The following PLCB1 variants were observed in gnomAD, a reference collection of about 807,000 sequenced individuals.
PLCB1 encodes the protein 1-phosphatidylinositol 4,5-bisphosphate phosphodiesterase beta-1.
PLCB1 carries 46 observed loss-of-function variants against 161.8 expected under a neutral mutation model. The ratio of observed to expected loss-of-function variants is 0.28; its 90% CI spans 0.22 to 0.36. The LOEUF is 0.36. Among genes scored for constraint, PLCB1 ranks in the 10% least tolerant of loss-of-function variants. The probability of loss-of-function intolerance (pLI) is 1.00; values close to 1 mark genes in which losing one functional copy is unlikely to be tolerated. For synonymous variants in PLCB1, 517 were observed against 503.7 expected (o/e 1.03, Z -0.35); for missense variants, 1,016 against 1,472.5 (o/e 0.69, Z 5.07).
intron 3 of PLCB1, among the ~76,000 whole-genome samples, chr20:8,588,465 G>A (rs1164169333): frequency 6.6e-6 from 1 of 152,110 alleles, no homozygotes; most frequent in Admixed American, 6.6e-5. Context: ...AACCCCTAAT[G>A]TGACTTTATT....
chr20:8,252,897 G>A (rs886602267), intron 2 of PLCB1, among the ~76,000 whole-genome samples: 2 of 151,918 alleles, frequency 1.3e-5, no homozygotes, highest in African/African-American at 4.8e-5. Flanking sequence ...GCTTTGTTTT[G>A]CCTTACTTAT....
At chr20:8,714,654 C>T (rs977543316) in intron 12 of PLCB1, among the ~76,000 whole-genome samples, 1 of 152,086 alleles carries the variant, frequency 6.6e-6, no homozygotes, top group African/African-American at 2.4e-5. Context: ...TTCTGATGGC[C>T]GCATAAGCCA....
chr20:8,562,021 A>G (rs1003748421), intron 3 of PLCB1, among the ~76,000 whole-genome samples: 11 of 151,828 alleles, frequency 7.2e-5, no homozygotes, highest in African/African-American at 2.2e-4. Flanking sequence ...CTTTTAGTAG[A>G]CCCTCCCTTG....
intron 3 of PLCB1, among the ~76,000 whole-genome samples, chr20:8,458,142 C>T (rs764439): frequency 0.28 from 41,871 of 151,904 alleles, 5,994 homozygotes; most frequent in Non-Finnish European, 0.3. Flanking sequence ...TTGCTTCCTC[C>T]GGTTGATTCT....
At chr20:8,461,499 T>C (rs936188558) in intron 3 of PLCB1, among the ~76,000 whole-genome samples, 1 of 152,172 alleles carries the variant, frequency 6.6e-6, no homozygotes, top group African/African-American at 2.4e-5. Context: ...GTTATGCACA[T>C]AAAATTCCTG....
chr20:8,804,848 G>C (rs1029977814), intron 31 of PLCB1, among the ~76,000 whole-genome samples: 1 of 151,804 alleles, frequency 6.6e-6, no homozygotes, highest in Admixed American at 6.6e-5. Flanking sequence ...AAAATTAGCC[G>C]GGCGTGGTGG....
chr20:8,366,673 A>G lies in PLCB1; in HGVS notation c.178-4709A>G, dbSNP rs118083797. ...ACAAAAAGAGAGGGCATATCCATCA[A>G]TGCATCAGTGGATGCATCTGAGGTC... is the stretch of plus-strand genomic sequence containing the variant. On this transcript the variant is annotated intron_variant, in intron 2 of 31. Transcript: ENST00000338037. Among the ~76,000 whole-genome samples the G allele has an allele frequency of 1.4e-3, 214 of 152,328 alleles. 1 individual carries two copies. The highest frequency in any genetic ancestry group is 2.4e-3 in the Non-Finnish European group (166 of 68,040).
At chr20:8,647,434 A>G (rs1037026876) in intron 5 of PLCB1, among the ~76,000 whole-genome samples, 2 of 152,208 alleles carry the variant, frequency 1.3e-5, no homozygotes, top group Non-Finnish European at 2.9e-5. Context: ...GCACACATCT[A>G]GCTTTGGGAT....
intron 2 of PLCB1, among the ~76,000 whole-genome samples, chr20:8,346,238 C>T (rs945392164): frequency 6.6e-6 from 1 of 152,200 alleles, no homozygotes; most frequent in African/African-American, 2.4e-5. Flanking sequence ...TGTGTTTTCT[C>T]TCCCTCCATT....
At chr20:8,430,924 G>T (rs1003586753) in intron 3 of PLCB1, among the ~76,000 whole-genome samples, 1 of 151,964 alleles carries the variant, frequency 6.6e-6, no homozygotes, top group Admixed American at 6.6e-5. Flanking sequence ...CACCACTTGC[G>T]CTCTAGCCTG....
At chr20:8,177,757 AG>A (rs1268688596) in intron 2 of PLCB1, among the ~76,000 whole-genome samples, 4 of 152,128 alleles carry the variant, frequency 2.6e-5, no homozygotes, top group African/African-American at 9.7e-5. Flanking sequence ...TACAGGTCCC[AG>A]GGATTTGCTG....
chr20:8,630,244 G>A lies in PLCB1; in HGVS notation c.384+1813G>A, dbSNP rs181056435. Among the ~76,000 whole-genome samples the A allele has an allele frequency of 2.3e-3, 346 of 151,732 alleles. 1 individual carries two copies. Among genetic ancestry groups the A allele is most frequent in the African/African-American group, 8.0e-3 (333 of 41,388 alleles). The stretch of plus-strand genomic sequence containing the variant: ...TGGGACTACAGGCGCATGCCACCAT[G>A]CCCAGCTAATTTTTGTGTTTTTAGT... On this transcript the variant is annotated intron_variant, in intron 4 of 31. Coordinates refer to ENST00000338037, the MANE Select transcript of PLCB1 (RefSeq NM_015192.4).
At chr20:8,754,607 G>A (rs116470409) in intron 23 of PLCB1, among the ~76,000 whole-genome samples, 2,717 of 152,186 alleles carry the variant, frequency 0.018, 72 homozygotes, top group African/African-American at 0.062. Context: ...CACGGAATAG[G>A]GACATCTTCC....
intron 3 of PLCB1, among the ~76,000 whole-genome samples, chr20:8,572,565 T>C (rs1477455679): frequency 6.6e-6 from 1 of 152,196 alleles, no homozygotes; most frequent in African/African-American, 2.4e-5. Flanking sequence ...TGAACTCTCA[T>C]TGTGGATCCA....
At chr20:8,282,333 T>C (rs1982911756) in intron 2 of PLCB1, among the ~76,000 whole-genome samples, 1 of 152,186 alleles carries the variant, frequency 6.6e-6, no homozygotes, top group East Asian at 1.9e-4. Flanking sequence ...TATTACCTCA[T>C]TGGAGGACAA....
chr20:8,306,614 G>A (rs1164460358), intron 2 of PLCB1, among the ~76,000 whole-genome samples: 1 of 152,210 alleles, frequency 6.6e-6, no homozygotes, highest in Non-Finnish European at 1.5e-5. Context: ...AATGCGAATA[G>A]CCTAGTGCAG....
intron 3 of PLCB1, among the ~76,000 whole-genome samples, chr20:8,611,363 TTAAG>T (rs1293793980): frequency 3.3e-5 from 5 of 152,152 alleles, no homozygotes; most frequent in African/African-American, 1.2e-4. Flanking sequence ...TGAAAAATTC[TTAAG>T]TAAGGTTTAA....
At chr20:8,159,690 G>A (rs531724804) in intron 2 of PLCB1, among the ~76,000 whole-genome samples, 44 of 151,972 alleles carry the variant, frequency 2.9e-4, no homozygotes, top group Non-Finnish European at 5.6e-4. Context: ...TTGCTGGTTA[G>A]AAATTTCTTC....
chr20:8,857,297 T>A (rs1987100748), intron 31 of PLCB1, among the ~76,000 whole-genome samples: 1 of 152,170 alleles, frequency 6.6e-6, no homozygotes, highest in Non-Finnish European at 1.5e-5. Flanking sequence ...GAAAACTCAA[T>A]CTACCACACT....
Sources: allele counts gnomAD v4.1 joint callset (sites outside exome capture counted in the v4.1 genomes callset), GRCh38; gene constraint gnomAD v4.1.1; transcripts MANE v1.5; gene names NCBI Gene and HGNC (gene_info 2026-07-23, HGNC 2026-07-21).